The following LPIN3 variants were observed in gnomAD, a reference collection of about 807,000 sequenced individuals.
The protein encoded by LPIN3 is phosphatidate phosphatase LPIN3.
In LPIN3, 82 loss-of-function variants were observed where a neutral mutation model predicts 94.7. The ratio of observed to expected loss-of-function variants is 0.87; its 90% CI spans 0.72 to 1.04. The LOEUF is 1.04. Among genes scored for constraint, LPIN3 ranks in the 50% least tolerant of loss-of-function variants. The pLI, the probability that LPIN3 is intolerant of heterozygous loss-of-function variation, is 0.00. For synonymous variants in LPIN3, 418 were observed against 443.3 expected, an observed-to-expected ratio of 0.94 and a Z score of 0.72; for missense variants, 996 against 1,090.5, an observed-to-expected ratio of 0.91 and a Z score of 1.22.
At chr20:41,352,551 C>A in intron 9 of LPIN3, 55 bp from the exon 10 acceptor site, 2 of 1,473,624 alleles carry the variant, frequency 1.4e-6, no homozygotes, top group Non-Finnish European at 1.9e-6. Flanking sequence ...GGGGCTGGGG[C>A]AGCGGGTCAC....
In LPIN3 at chr20:41,357,873, C is replaced by G; in HGVS notation, c.2040-9C>G. On this transcript the variant is annotated splice_polypyrimidine_tract_variant and intron_variant, in intron 16 of 19. Transcript: ENST00000373257. ...GATGGCTCTATGCCACCCTGTCCCC[C>G]ACTCTCAGAAATGGGTACAAGTTCC... is the stretch of plus-strand genomic sequence containing the variant. 1 of 1,614,020 alleles carries G rather than the reference C, an allele frequency of 6.2e-7. No individual in the cohort carries two copies. Among genetic ancestry groups the G allele is most frequent in the Non-Finnish European group, 8.5e-7 (1 of 1,179,974 alleles).
In LPIN3 at chr20:41,350,170, A is replaced by G. The variant is rs1157638481; in HGVS notation, c.875A>G (p.Asp292Gly). The change falls in exon 7 of 20, where the codon GAC becomes GGC. Residue 292 changes from aspartate (D) to glycine (G), a missense_variant. Coordinates refer to ENST00000373257, the MANE Select transcript of LPIN3 (RefSeq NM_022896.3). ...TCTACCTCTGTGGCTGGCGGCGTGG[A>G]CCCTTTGGGACTCCCAATCCAGCAA... The part of the protein sequence containing the change: ...TPSTSVAGGV[D>G]PLGLPIQQTE... The G allele has an allele frequency of 6.2e-7, 1 of 1,613,076 alleles. No individual in the cohort carries two copies. Among genetic ancestry groups the G allele is most frequent in the Non-Finnish European group, 8.5e-7 (1 of 1,179,922 alleles).
In LPIN3 at chr20:41,356,950, C is replaced by CGAGGGGATCGGAGGCCACGGCGT. The variant is rs1476693138; in HGVS notation, c.1804-89_1804-67dup. The CGAGGGGATCGGAGGCCACGGCGT allele has an allele frequency of 1.5e-5, 22 of 1,475,864 alleles. No homozygotes were observed. The African/African-American group carries it at 2.6e-4, about 18-fold the overall frequency. The allele number at this position is 1,475,864 out of a possible 1,614,324, so 91.4% of individuals were successfully genotyped here. A position where few individuals can be genotyped will look rare whatever the true frequency, so the allele number is the denominator to read the frequency against. On this transcript the variant is annotated intron_variant, in intron 14 of 19. Coordinates refer to ENST00000373257, the MANE Select transcript of LPIN3 (RefSeq NM_022896.3). ...GGGAGGAAGAGGAGAATGAGAGGCC[C>CGAGGGGATCGGAGGCCACGGCGT]GAGGGGATCGGAGGCCACGGCGTAA...
At chr20:41,351,376 A>G (rs2046006769) in intron 7 of LPIN3, among the ~76,000 whole-genome samples, 1 of 148,780 alleles carries the variant, frequency 6.7e-6, no homozygotes, top group Non-Finnish European at 1.5e-5. Context: ...GGCTCACTGC[A>G]ACCTCTGCCT....
rs1409386664 is a variant in LPIN3, at chr20:41,359,067, G to A, written c.*201G>A. ...CAGCTAAGCTGCAGCTGCTCCAGGC[G>A]TCAGTGTGGCACTGTCCTGGGGCAA... is the stretch of plus-strand genomic sequence containing the variant. On this transcript the variant is annotated 3_prime_UTR_variant, in exon 20 of 20. Coordinates refer to ENST00000373257, the MANE Select transcript of LPIN3 (RefSeq NM_022896.3). The A allele has an allele frequency of 1.7e-5, 10 of 592,270 alleles. No individual in the cohort carries two copies. The highest frequency in any genetic ancestry group is 9.3e-5 in the Admixed American group (3 of 32,292). 36.7% of individuals were successfully genotyped at this position (592,270 alleles called of 1,614,324 possible).
At chr20:41,341,182 G>A (rs1021893212) in intron 1 of LPIN3, among the ~76,000 whole-genome samples, 180 bp downstream of exon 1, 4 of 152,208 alleles carry the variant, frequency 2.6e-5, no homozygotes, top group African/African-American at 7.2e-5. Flanking sequence ...TGGCCCAGCG[G>A]CTGCAGGCCC....
chr20:41,349,979 G>A lies in LPIN3; in HGVS notation c.760-76G>A, dbSNP rs183416099. 5.3e-4 allele frequency: 827 copies of A among 1,559,386 alleles called. 8 individuals carry two copies. The African/African-American group carries it at 9.4e-3, about 18-fold the overall frequency. On this transcript the variant is annotated intron_variant, in intron 6 of 19. Transcript: ENST00000373257. ...GTCAGGGTTGGAGGGACTGAAACTC[G>A]GGCCACTGCCCCAAAAGCTTTGTGG...
intron 2 of LPIN3, 112 bp downstream of exon 2, chr20:41,346,107 C>CAGAGGACAGA: frequency 2.7e-6 from 3 of 1,108,882 alleles, no homozygotes; most frequent in Non-Finnish European, 3.8e-6. Flanking sequence ...GGGATCTGTC[C>CAGAGGACAGA]TCTGGACAGG....
chr20:41,354,276 C>G (rs1369254147), intron 11 of LPIN3, among the ~76,000 whole-genome samples: 1 of 152,110 alleles, frequency 6.6e-6, no homozygotes, highest in Non-Finnish European at 1.5e-5. Context: ...AGATTGTTCT[C>G]CCTGCTGCCA....
chr20:41,346,133 A>G lies in LPIN3; in HGVS notation c.192+138A>G. On this transcript the variant is annotated intron_variant, in intron 2 of 19. Transcript: ENST00000373257. ...TCTGGACAGGCTTCCCTTCATTTGT[A>G]CTTTCTTTGAAGGTTTTTGGGTTGA... The G allele has an allele frequency of 3.2e-6, 3 of 934,392 alleles. No homozygotes were observed. The South Asian group carries it at 5.2e-5, about 16-fold the overall frequency. The allele number at this position is 934,392 out of a possible 1,614,324, so 57.9% of individuals were successfully genotyped here.
At chr20:41,351,204 G>T (rs1017729613) in intron 7 of LPIN3, among the ~76,000 whole-genome samples, 5 of 151,730 alleles carry the variant, frequency 3.3e-5, no homozygotes, top group African/African-American at 4.8e-5. Flanking sequence ...AGCGAGCTAT[G>T]ATCATGCGAT....
chr20:41,350,467 T>G, intron 7 of LPIN3, 70 bp downstream of exon 7: 1 of 1,259,282 alleles, frequency 7.9e-7, no homozygotes, highest in Non-Finnish European at 1.1e-6. Flanking sequence ...TGCTGGGACT[T>G]CAAGTACATT....
At chr20:41,353,269 A>C (rs996603403) in intron 11 of LPIN3, among the ~76,000 whole-genome samples, 2 of 152,250 alleles carry the variant, frequency 1.3e-5, no homozygotes, top group African/African-American at 4.8e-5. Context: ...CTATTCCTCC[A>C]GGCTGGGCTG....
rs1569012590 is a variant in LPIN3 at position 41,358,003 on chromosome 20, T to C, written c.2161T>C (p.Ser721Pro). 2 of 1,609,848 alleles carry C rather than the reference T, an allele frequency of 1.2e-6. No homozygotes were observed. The highest frequency in any genetic ancestry group is 8.5e-7 in the Non-Finnish European group (1 of 1,178,166). Residue 721 changes from serine to proline, a missense_variant, in exon 17 of 20, where the codon TCT (serine) becomes CCT (proline). Transcript: ENST00000373257. The part of the protein sequence containing the change: ...CSLPKGPILL[S>P]PSSLFSALHR... ...CCTCCCCAAGGGCCCCATCCTTCTG[T>C]CTCCCAGCAGCCTCTTCTCTGCCCT...
rs767054595 is a variant in LPIN3 at position 41,352,870 on chromosome 20, AATGGTTAG to A, written c.1527+5_1527+12del. ...CCTTCCAGAAAAACTTGCCCAAGGTAATGGTTAGAGCACCACTGCCCCTGCTGGGGAAG... is the reference window on the plus strand; with the variant it reads ...CCTTCCAGAAAAACTTGCCCAAGGTAAGCACCACTGCCCCTGCTGGGGAAG... On this transcript the variant is annotated splice_donor_5th_base_variant and intron_variant, in intron 11 of 19. Coordinates refer to ENST00000373257, the MANE Select transcript of LPIN3 (RefSeq NM_022896.3). The A allele has an allele frequency of 2.5e-6, 4 of 1,614,144 alleles. No homozygotes were observed. In the Admixed American group the frequency reaches 6.7e-5, roughly 27 times the overall value.
At chr20:41,348,488 C>T (rs1467352369) in intron 3 of LPIN3, 131 bp from the exon 4 acceptor site, 1 of 1,388,108 alleles carries the variant, frequency 7.2e-7, no homozygotes, top group African/African-American at 1.4e-5. Context: ...CTGGTGCCTC[C>T]ACACCTGTTT....
At chr20:41,348,928 T>G (rs766100634) in intron 4 of LPIN3, 41 bp downstream of exon 4, 1 of 1,591,328 alleles carries the variant, frequency 6.3e-7, no homozygotes, top group South Asian at 1.1e-5. Context: ...GTTTGGGGGT[T>G]CAAGTGCTGT....
At chr20:41,341,190 C>T (rs2045565272) in intron 1 of LPIN3, among the ~76,000 whole-genome samples, 188 bp downstream of exon 1, 1 of 152,202 alleles carries the variant, frequency 6.6e-6, no homozygotes, top group Admixed American at 6.5e-5. Context: ...CGGCTGCAGG[C>T]CCCCTGGACA....
At position 41,348,787 on chromosome 20, in the gene LPIN3, A is replaced by G; in HGVS notation, c.457A>G (p.Lys153Glu). ...KRRRRRKPKQ[K>E]EDAVATDSSP... ...GCGTCGCAGGAGGAAACCCAAGCAG[A>G]AAGAGGATGCAGTGGCAACTGATTC... The change falls in exon 4 of 20, where the codon AAA (lysine) becomes GAA (glutamate). Residue 153 changes from lysine (K) to glutamate (E), a missense_variant. By Grantham distance (56) the Lys-to-Glu change is moderately conservative (BLOSUM62 1). Transcript: ENST00000373257. The G allele has an allele frequency of 6.2e-7, 1 of 1,612,680 alleles. No homozygotes were observed.
Sources: allele counts gnomAD v4.1 joint callset (sites outside exome capture counted in the v4.1 genomes callset), GRCh38; gene constraint gnomAD v4.1.1; transcripts MANE v1.5; gene names NCBI Gene and HGNC (gene_info 2026-07-23, HGNC 2026-07-21).